HIP1: variants seen among roughly 807,000 people sequenced by gnomAD.
HIP1 encodes the protein huntingtin interacting protein 1.
HIP1 carries 65 observed loss-of-function variants against 147.6 expected under a neutral mutation model. The ratio of observed to expected loss-of-function variants is 0.44; its 90% CI spans 0.36 to 0.54. The LOEUF is 0.54. Among genes scored for constraint, HIP1 ranks in the 20% least tolerant of loss-of-function variants. The pLI, the probability that HIP1 is intolerant of heterozygous loss-of-function variation, is 0.00. For missense variants in HIP1, 1,061 were observed against 1,299.6 expected (o/e 0.82, Z 2.82); for synonymous variants, 479 against 504.0 (o/e 0.95, Z 0.67).
intron 1 of HIP1, among the ~76,000 whole-genome samples, chr7:75,653,159 A>T (rs904101373): frequency 6.6e-6 from 1 of 152,098 alleles, no homozygotes; most frequent in Non-Finnish European, 1.5e-5. Context: ...GAAAAAAAAA[A>T]ACAAATTTGA....
chr7:75,664,312 ATG>A, intron 1 of HIP1, among the ~76,000 whole-genome samples: 1 of 145,122 alleles, frequency 6.9e-6, no homozygotes, highest in South Asian at 2.2e-4. Context: ...ATGTATGTAT[ATG>A]TATACATACA....
chr7:75,656,132 T>A (rs1344592118), intron 1 of HIP1, among the ~76,000 whole-genome samples: 4 of 151,646 alleles, frequency 2.6e-5, no homozygotes, highest in South Asian at 2.1e-4. Flanking sequence ...AGAAAAAAAA[T>A]AAAAATAAAA....
At chr7:75,723,465 T>G (rs1434301915) in intron 1 of HIP1, among the ~76,000 whole-genome samples, 2 of 152,146 alleles carry the variant, frequency 1.3e-5, no homozygotes, top group African/African-American at 4.8e-5. Flanking sequence ...AATTGGGGCA[T>G]CAACAGCCCT....
At chr7:75,561,974 C>G (rs1554494646) in intron 12 of HIP1, 99 bp downstream of exon 12, 1 of 753,670 alleles carries the variant, frequency 1.3e-6, no homozygotes, top group Non-Finnish European at 2.4e-6. Context: ...TCTAAGAAGC[C>G]CCAGTATCAT....
intron 1 of HIP1, among the ~76,000 whole-genome samples, chr7:75,732,329 G>A (rs782368770): frequency 6.6e-6 from 1 of 152,056 alleles, no homozygotes; most frequent in African/African-American, 2.4e-5. Context: ...TTGCTCTGAC[G>A]TATGCGCTAT....
At chr7:75,621,033 C>G (rs1469726564) in intron 1 of HIP1, among the ~76,000 whole-genome samples, 1 of 152,012 alleles carries the variant, frequency 6.6e-6, no homozygotes, top group Non-Finnish European at 1.5e-5. Flanking sequence ...AGCTTGAGAA[C>G]AGTCAGGGTG....
intron 22 of HIP1, among the ~76,000 whole-genome samples, chr7:75,550,094 A>C (rs1554491832): frequency 6.6e-6 from 1 of 152,194 alleles, no homozygotes; most frequent in Non-Finnish European, 1.5e-5. Context: ...CAGAGGTAGA[A>C]CGTCTTGACC....
intron 1 of HIP1, among the ~76,000 whole-genome samples, chr7:75,663,817 C>G (rs1554513974): frequency 6.6e-6 from 1 of 150,838 alleles, no homozygotes; most frequent in African/African-American, 2.4e-5. Context: ...AGTTTTCTGA[C>G]TCAGCTAATC....
intron 1 of HIP1, among the ~76,000 whole-genome samples, chr7:75,670,693 G>A (rs1234499420): frequency 1.3e-5 from 2 of 149,894 alleles, no homozygotes; most frequent in Non-Finnish European, 3.0e-5. Context: ...AGCTCACTGC[G>A]GCTTTGACCT....
intron 1 of HIP1, among the ~76,000 whole-genome samples, chr7:75,687,739 G>C (rs1378382090): frequency 3.3e-5 from 5 of 152,090 alleles, no homozygotes; most frequent in Non-Finnish European, 5.9e-5. Context: ...TCTGGCTCTT[G>C]CCAGTCTCTC....
chr7:75,717,686 A>G (rs1443262401), intron 1 of HIP1, among the ~76,000 whole-genome samples: 3 of 150,744 alleles, frequency 2.0e-5, no homozygotes, highest in African/African-American at 7.3e-5. Flanking sequence ...CAAAAAAAAA[A>G]AAGACCAGGC....
intron 1 of HIP1, among the ~76,000 whole-genome samples, chr7:75,719,261 T>C (rs1801419922): frequency 6.6e-6 from 1 of 151,980 alleles, no homozygotes; most frequent in African/African-American, 2.4e-5. Context: ...TCCCAGCACT[T>C]TGGGAGGCCA....
At chr7:75,559,699 C>CCGGGGGGGGGG in intron 14 of HIP1, 33 bp downstream of exon 14, 1 of 1,226,534 alleles carries the variant, frequency 8.2e-7, no homozygotes, top group East Asian at 2.6e-5. Flanking sequence ...CGCCTGCCCC[C>CCGGGGGGGGGG]GGGGCCCGCC....
chr7:75,606,076 T>C (rs1223053022), intron 1 of HIP1, among the ~76,000 whole-genome samples: 1 of 152,114 alleles, frequency 6.6e-6, no homozygotes, highest in African/African-American at 2.4e-5. Context: ...CTTGAACTCC[T>C]GGCCTCAAGC....
At chr7:75,578,909 G>T (rs1230925482) in intron 7 of HIP1, among the ~76,000 whole-genome samples, 1 of 151,708 alleles carries the variant, frequency 6.6e-6, no homozygotes. Flanking sequence ...TCTGCCTCCC[G>T]GGTTCAAGCA....
chr7:75,565,723 C>T (rs1034881326), intron 9 of HIP1, among the ~76,000 whole-genome samples: 1 of 146,436 alleles, frequency 6.8e-6, no homozygotes, highest in African/African-American at 2.5e-5. Flanking sequence ...TTTCGCCTCC[C>T]CTCCCCTCCT....
At chr7:75,561,210 T>C in intron 13 of HIP1, 119 bp downstream of exon 13, 1 of 818,872 alleles carries the variant, frequency 1.2e-6, no homozygotes, top group Non-Finnish European at 2.2e-6. Context: ...TGCCTTGGCC[T>C]CCCAAAGTGC....
chr7:75,552,066 C>T (rs10808183), intron 22 of HIP1, among the ~76,000 whole-genome samples: 132,955 of 151,940 alleles, frequency 0.88, 59,240 homozygotes, highest in Middle Eastern at 0.95. Context: ...ATTTTTTGTA[C>T]TTTTAGTAGA....
At chr7:75,603,530 C>T (rs1381037811) in intron 1 of HIP1, among the ~76,000 whole-genome samples, 2 of 152,058 alleles carry the variant, frequency 1.3e-5, no homozygotes, top group Admixed American at 1.3e-4. Flanking sequence ...ACATGCGATG[C>T]TTCCCCTACA....
Sources: allele counts gnomAD v4.1 joint callset (sites outside exome capture counted in the v4.1 genomes callset), GRCh38; gene constraint gnomAD v4.1.1; transcripts MANE v1.5; gene names NCBI Gene and HGNC (gene_info 2026-07-23, HGNC 2026-07-21).